The following CHIA variants were observed in gnomAD, a reference collection of about 807,000 sequenced individuals.
CHIA encodes the protein acidic mammalian chitinase.
CHIA carries 47 observed loss-of-function variants against 53.5 expected under a neutral mutation model. That is an observed-to-expected ratio of 0.88 (90% CI 0.70 to 1.12). The LOEUF is 1.12. Among genes scored for constraint, CHIA ranks in the 50% most tolerant of loss-of-function variants. The pLI is 0.00. For missense variants in CHIA, 652 were observed against 592.2 expected (o/e 1.10, Z -1.05); for synonymous variants, 268 against 222.2 (o/e 1.21, Z -1.83).
intron 3 of CHIA, 82 bp from the exon 4 acceptor site, chr1:111,312,108 A>T: frequency 9.1e-7 from 1 of 1,101,222 alleles, no homozygotes; most frequent in Non-Finnish European, 1.4e-6. Context: ...ACAGGGAGGG[A>T]AACAGAGGCA....
At position 111,311,761 on chromosome 1, in the gene CHIA, C is replaced by A. The variant is rs562363636; in HGVS notation, c.55+43C>A. 5.5e-5 allele frequency: 87 copies of A among 1,589,312 alleles called. 1 individual carries two copies. In the East Asian group the frequency reaches 1.7e-3, roughly 31 times the overall value. ...TGTTTTATCATTGAATGTATATATACGAGATAAACCATACTATGGAAAGAG... is the reference window on the plus strand; with the variant it reads ...TGTTTTATCATTGAATGTATATATAAGAGATAAACCATACTATGGAAAGAG... On this transcript the variant is annotated intron_variant, in intron 3 of 11. Transcript: ENST00000369740.
chr1:111,309,127 T>C (rs28536723), intron 1 of CHIA, among the ~76,000 whole-genome samples: 3 of 152,246 alleles, frequency 2.0e-5, no homozygotes, highest in South Asian at 4.1e-4. Context: ...CCATGGCACA[T>C]GTTTACCTAT....
chr1:111,299,866 G>C (rs781034235), intron 1 of CHIA, among the ~76,000 whole-genome samples: 1 of 152,086 alleles, frequency 6.6e-6, no homozygotes, highest in Non-Finnish European at 1.5e-5. Context: ...TTAAGCTGAC[G>C]ATCAACTTCA....
Position 111,300,251 on chromosome 1 carries a change from C to G in CHIA, c.-69+9301C>G, listed in dbSNP as rs1210376263. Among the ~76,000 whole-genome samples the G allele has an allele frequency of 5.3e-5, 8 of 152,064 alleles. No individual in the cohort carries two copies. The East Asian group carries it at 1.3e-3, about 26-fold the overall frequency. On this transcript the variant is annotated intron_variant, in intron 1 of 11. Coordinates refer to ENST00000369740, the MANE Select transcript of CHIA (RefSeq NM_201653.4). ...AACTACTTTAAAGTTCATATGGAAC[C>G]AAAAAAGAGCCCACATTGCCAAGTC...
At chr1:111,317,577 C>A in intron 6 of CHIA, 104 bp from the exon 7 acceptor site, 2 of 1,289,372 alleles carry the variant, frequency 1.6e-6, no homozygotes, top group Admixed American at 3.9e-5. Context: ...TATGTGAAAG[C>A]AATTTAAGAG....
Position 111,320,372 on chromosome 1 carries a change from C to T in CHIA, c.1337C>T (p.Ala446Val), listed in dbSNP as rs201456008. The T allele has an allele frequency of 7.0e-5, 113 of 1,614,094 alleles. No homozygotes were observed. Among genetic ancestry groups the T allele is most frequent in the Non-Finnish European group, 9.2e-5 (109 of 1,180,054 alleles). ...GLYPVANNRN[A>V]FWHCVNGVTY... ...TACCCCGTGGCAAATAACAGAAATG[C>T]CTTCTGGCACTGCGTGAATGGAGTC... is the stretch of plus-strand genomic sequence containing the variant. Residue 446 changes from alanine to valine, a missense_variant, in exon 12 of 12, where the codon GCC (alanine) becomes GTC (valine). Coordinates refer to ENST00000369740, the MANE Select transcript of CHIA (RefSeq NM_201653.4).
intron 1 of CHIA, among the ~76,000 whole-genome samples, chr1:111,302,051 A>G (rs1647799325): frequency 6.6e-6 from 1 of 152,104 alleles, no homozygotes; most frequent in South Asian, 2.1e-4. Flanking sequence ...CTTAAAGTAA[A>G]ATTTAAAAAA....
chr1:111,298,152 T>C (rs1190589034), intron 1 of CHIA, among the ~76,000 whole-genome samples: 1 of 152,102 alleles, frequency 6.6e-6, no homozygotes, highest in Non-Finnish European at 1.5e-5. Context: ...ATGGGAGACT[T>C]TAACAACCCA....
chr1:111,303,084 GGTTA>G (rs1647891795), intron 1 of CHIA, among the ~76,000 whole-genome samples: 1 of 151,790 alleles, frequency 6.6e-6, no homozygotes, highest in Admixed American at 6.6e-5. Context: ...GCTCTCGTTT[GGTTA>G]CTATTTGCAT....
At chr1:111,301,431 G>A (rs963908125) in intron 1 of CHIA, among the ~76,000 whole-genome samples, 1 of 152,066 alleles carries the variant, frequency 6.6e-6, no homozygotes, top group East Asian at 1.9e-4. Context: ...CGGGTGCGGT[G>A]GCTCACACCT....
At chr1:111,317,018 C>T (rs752750787) in intron 6 of CHIA, 1 of 152,300 alleles carries the variant, frequency 6.6e-6, no homozygotes, top group Non-Finnish European at 1.5e-5. Flanking sequence ...CTTAAGACAG[C>T]TGTAAATACC....
chr1:111,298,721 G>GAGA (rs1482491146), intron 1 of CHIA, among the ~76,000 whole-genome samples: 4 of 152,024 alleles, frequency 2.6e-5, no homozygotes, highest in Non-Finnish European at 5.9e-5. Context: ...AGCAGAAGGT[G>GAGA]AGAAATAACT....
Position 111,317,668 on chromosome 1 carries a change from T to C in CHIA, c.481-13T>C. ...GCATCATAGATGTCCTATTATGCCTTATTATTCTGTAGGAAATGCGTGAAG... is the reference window on the plus strand; with the variant it reads ...GCATCATAGATGTCCTATTATGCCTCATTATTCTGTAGGAAATGCGTGAAG... On this transcript the variant is annotated splice_polypyrimidine_tract_variant and intron_variant, in intron 6 of 11. Transcript: ENST00000369740. The C allele has an allele frequency of 6.2e-7, 1 of 1,614,148 alleles. No homozygotes were observed. Among genetic ancestry groups the C allele is most frequent in the Non-Finnish European group, 8.5e-7 (1 of 1,179,968 alleles).
chr1:111,294,801 T>C (rs935393980), intron 1 of CHIA, among the ~76,000 whole-genome samples: 1 of 152,192 alleles, frequency 6.6e-6, no homozygotes, highest in African/African-American at 2.4e-5. Flanking sequence ...ATTATGCCAT[T>C]TTTTTCTTCA....
At position 111,311,671 on chromosome 1, in the gene CHIA, C is replaced by T. The variant is rs1310807364; in HGVS notation, c.26-18C>T. On this transcript the variant is annotated intron_variant, in intron 2 of 11. Transcript: ENST00000369740. The stretch of plus-strand genomic sequence containing the variant: ...ACAGACAATCGGTTCAAAGTACATG[C>T]TTTTTCTTTCTATCCAGGTCTTGTC... The T allele has an allele frequency of 1.2e-6, 2 of 1,613,776 alleles. No individual in the cohort carries two copies. Among genetic ancestry groups the T allele is most frequent in the African/African-American group, 1.3e-5 (1 of 74,894 alleles).
chr1:111,301,436 A>G (rs1224224378), intron 1 of CHIA, among the ~76,000 whole-genome samples: 3 of 152,078 alleles, frequency 2.0e-5, no homozygotes, highest in Admixed American at 6.5e-5. Context: ...GCGGTGGCTC[A>G]CACCTGTAAT....
At chr1:111,295,750 G>T (rs997535257) in intron 1 of CHIA, among the ~76,000 whole-genome samples, 6 of 152,180 alleles carry the variant, frequency 3.9e-5, no homozygotes, top group African/African-American at 1.4e-4. Context: ...CCAAAGCAGG[G>T]TGGGGCATCA....
At chr1:111,298,565 T>C (rs1312976869) in intron 1 of CHIA, among the ~76,000 whole-genome samples, 1 of 152,090 alleles carries the variant, frequency 6.6e-6, no homozygotes, top group African/African-American at 2.4e-5. Flanking sequence ...AGACACAACG[T>C]GCCAGAATCT....
intron 1 of CHIA, among the ~76,000 whole-genome samples, chr1:111,297,900 G>GGA (rs1647310787): frequency 8.0e-5 from 1 of 12,534 alleles, no homozygotes. Context: ...CAAATGGAAA[G>GGA]CAAAAAAAAA....
Sources: gnomAD v4.1 joint callset for allele counts (sites outside exome capture counted in the v4.1 genomes callset) on GRCh38, gnomAD v4.1.1 for gene constraint, MANE v1.5 for transcripts, NCBI Gene and HGNC (gene_info 2026-07-23, HGNC 2026-07-21) for gene names.